The following PIK3R3 variants were observed in gnomAD, a reference collection of about 807,000 sequenced individuals.
PIK3R3 encodes the protein phosphoinositide-3-kinase regulatory subunit 3.
In PIK3R3, 64 loss-of-function variants were observed where a neutral mutation model predicts 62.9. The ratio of observed to expected loss-of-function variants is 1.02; its 90% CI spans 0.83 to 1.25. The LOEUF is 1.25. Ranked by LOEUF, PIK3R3 falls within the 50% of genes most tolerant of loss-of-function variation. The pLI, the probability that PIK3R3 is intolerant of heterozygous loss-of-function variation, is 0.00. For synonymous variants in PIK3R3, 165 were observed against 189.0 expected, an observed-to-expected ratio of 0.87 and a Z score of 1.04; for missense variants, 614 against 561.6, an observed-to-expected ratio of 1.09 and a Z score of -0.94.
chr1:46,065,518 A>G (rs2149395522), intron 5 of PIK3R3, among the ~76,000 whole-genome samples: 1 of 152,326 alleles, frequency 6.6e-6, no homozygotes, highest in Non-Finnish European at 1.5e-5. Context: ...AGCCTCCCCT[A>G]CAGCTAGCTG....
chr1:46,105,123 G>A (rs1397707928), intron 1 of PIK3R3: 8 of 716,468 alleles, frequency 1.1e-5, no homozygotes, highest in Non-Finnish European at 1.8e-5. Context: ...GGAATAGAAT[G>A]GAACCTGTCC....
Position 46,132,524 on chromosome 1 carries a change from G to A in PIK3R3, c.-572C>T. ...TCGGAACCGAAGCTGCCGCAGCCTCGGGAATGGGGCCGGCCGGAGAAGTCC... is the reference window on the plus strand; with the variant it reads ...TCGGAACCGAAGCTGCCGCAGCCTCAGGAATGGGGCCGGCCGGAGAAGTCC... On this transcript the variant is annotated 5_prime_UTR_variant, in exon 1 of 10. Coordinates refer to ENST00000262741, the MANE Select transcript of PIK3R3 (RefSeq NM_003629.4). 1 of 1,236,836 alleles carries A rather than the reference G, an allele frequency of 8.1e-7. No homozygotes were observed. The highest frequency in any genetic ancestry group is 2.9e-4 in the Middle Eastern group (1 of 3,440). 76.6% of individuals were successfully genotyped at this position (1,236,836 alleles called of 1,614,324 possible). A position where few individuals can be genotyped will look rare whatever the true frequency, so the allele number is the denominator to read the frequency against.
chr1:46,155,611 C>T, the PIK3R3 span, among the ~76,000 whole-genome samples: 1 of 152,000 alleles, frequency 6.6e-6, no homozygotes, highest in Non-Finnish European at 1.5e-5. Context: ...GCACACCCAG[C>T]TAATTTTTAT....
chr1:46,167,769 G>A, the PIK3R3 span, among the ~76,000 whole-genome samples: 3 of 152,178 alleles, frequency 2.0e-5, no homozygotes, highest in African/African-American at 7.2e-5. Flanking sequence ...ATCAGTGCCC[G>A]CTCTGGGCTT....
At chr1:46,171,925 C>T in the PIK3R3 span, among the ~76,000 whole-genome samples, 19 of 152,180 alleles carry the variant, frequency 1.2e-4, no homozygotes, top group Admixed American at 3.9e-4. Flanking sequence ...TGGTGAAACT[C>T]AGGGCTAGAG....
chr1:46,110,880 T>C (rs568920792), intron 1 of PIK3R3, among the ~76,000 whole-genome samples: 1 of 151,662 alleles, frequency 6.6e-6, no homozygotes, highest in East Asian at 1.9e-4. Flanking sequence ...GTTTTTTTTT[T>C]TTAATTTTCC....
rs1262958400 is a variant in PIK3R3 at position 46,042,072 on chromosome 1, G to A, written c.*1601C>T. 4.5e-6 allele frequency: 1 copy of A among 222,568 alleles called. No homozygotes were observed. The highest frequency in any genetic ancestry group is 9.0e-6 in the Non-Finnish European group (1 of 111,398). The allele number at this position is 222,568 out of a possible 1,614,324, so 13.8% of individuals were successfully genotyped here. A position where few individuals can be genotyped will look rare whatever the true frequency, so the allele number is the denominator to read the frequency against. Reference sequence around the variant, plus strand: ...CCAGGGTGCCTGACTGCACAGCTTTGGGTTCAAACAGCTGACTCACTCTGA... The same window carrying A: ...CCAGGGTGCCTGACTGCACAGCTTTAGGTTCAAACAGCTGACTCACTCTGA... On this transcript the variant is annotated 3_prime_UTR_variant, in exon 10 of 10. Coordinates refer to ENST00000262741, the MANE Select transcript of PIK3R3 (RefSeq NM_003629.4). The surrounding 1 kb of genome is among the most constrained non-coding windows in gnomAD (Gnocchi z 4.3).
intron 3 of PIK3R3, among the ~76,000 whole-genome samples, chr1:46,075,886 C>T (rs785507): frequency 0.72 from 109,519 of 152,106 alleles, 39,606 homozygotes; most frequent in African/African-American, 0.77. Context: ...CAGTCCAAGA[C>T]TGAAGGCCTT....
At chr1:46,165,679 G>C in the PIK3R3 span, among the ~76,000 whole-genome samples, 6 of 148,424 alleles carry the variant, frequency 4.0e-5, no homozygotes, top group Non-Finnish European at 7.4e-5. Context: ...GGGCCAAACC[G>C]TAAGTGGTTC....
chr1:46,046,512 A>ATTTGTT (rs760761045), intron 8 of PIK3R3, 39 bp downstream of exon 8: 61 of 1,349,448 alleles, frequency 4.5e-5, no homozygotes, highest in Non-Finnish European at 6.0e-5. Context: ...TTATATTGAT[A>ATTTGTT]ACAAAGCCCT....
intron 6 of PIK3R3, among the ~76,000 whole-genome samples, chr1:46,058,337 A>G (rs1648136956): frequency 6.6e-6 from 1 of 152,250 alleles, no homozygotes; most frequent in South Asian, 2.1e-4. Flanking sequence ...GCGGGGTCGA[A>G]GCCGCCACAC....
At chr1:46,109,595 T>C (rs1008268591) in intron 1 of PIK3R3, among the ~76,000 whole-genome samples, 3 of 152,078 alleles carry the variant, frequency 2.0e-5, no homozygotes, top group African/African-American at 7.2e-5. Context: ...GCGATTCTCC[T>C]GCCTCAACCT....
the PIK3R3 span, among the ~76,000 whole-genome samples, chr1:46,145,111 G>A: frequency 2.2e-5 from 3 of 137,270 alleles, no homozygotes; most frequent in African/African-American, 5.4e-5. Flanking sequence ...CAACAAGAAT[G>A]AAACTCCACC....
intron 6 of PIK3R3, among the ~76,000 whole-genome samples, chr1:46,061,606 T>C (rs573355440): frequency 3.9e-5 from 6 of 152,288 alleles, no homozygotes; most frequent in Admixed American, 6.5e-5. Context: ...TCAGTAAATG[T>C]TACACTAGGG....
At chr1:46,168,328 A>G in the PIK3R3 span, among the ~76,000 whole-genome samples, 1 of 152,096 alleles carries the variant, frequency 6.6e-6, no homozygotes, top group South Asian at 2.1e-4. Context: ...TTTCTCCATT[A>G]GGGTGCAAGC....
At chr1:46,119,773 A>C (rs530058805) in intron 1 of PIK3R3, among the ~76,000 whole-genome samples, 1 of 124,334 alleles carries the variant, frequency 8.0e-6, no homozygotes, top group Non-Finnish European at 1.7e-5. Flanking sequence ...CCAACTCCTA[A>C]TTTTTTTTTT....
At chr1:46,133,305 G>A (rs1276865940), upstream of PIK3R3, among the ~76,000 whole-genome samples, 44 of 152,244 alleles carry the variant, frequency 2.9e-4, no homozygotes, top group Non-Finnish European at 4.4e-5. Flanking sequence ...CTGGAGACAG[G>A]CGGGGCTCCT....
At position 46,062,435 on chromosome 1, in the gene PIK3R3, C is replaced by T. The variant is rs1648592132; in HGVS notation, c.622-364G>A. Reference sequence around the variant, plus strand: ...ACTAAAAATACAAAAATTAGCCAGGCGTGGTGGCGGGCGCCTGTAATCCCA... The same window carrying T: ...ACTAAAAATACAAAAATTAGCCAGGTGTGGTGGCGGGCGCCTGTAATCCCA... On this transcript the variant is annotated intron_variant, in intron 5 of 9. Coordinates refer to ENST00000262741, the MANE Select transcript of PIK3R3 (RefSeq NM_003629.4). Among the ~76,000 whole-genome samples, 5 of 152,042 alleles carry T rather than the reference C, an allele frequency of 3.3e-5. 1 individual carries two copies. The South Asian group carries it at 8.3e-4, about 25-fold the overall frequency.
chr1:46,138,795 A>C, the PIK3R3 span: 1 of 152,250 alleles, frequency 6.6e-6, no homozygotes, highest in Non-Finnish European at 1.5e-5. Context: ...AAAAGGCATG[A>C]ACATGATTGT....
Sources: gnomAD v4.1 joint callset for allele counts (sites outside exome capture counted in the v4.1 genomes callset) on GRCh38, gnomAD v4.1.1 for gene constraint, Gnocchi (gnomAD v3.1) non-coding constraint, MANE v1.5 for transcripts, NCBI Gene and HGNC (gene_info 2026-07-23, HGNC 2026-07-21) for gene names.